Variants in DNAJC12 observed in about 807,000 individuals in gnomAD.
DNAJC12 encodes the protein dnaJ homolog subfamily C member 12.
Under a neutral mutation model 28.5 loss-of-function variants are expected in DNAJC12, and 25 were observed. The ratio of observed to expected loss-of-function variants is 0.88; its 90% CI spans 0.64 to 1.22. The LOEUF is 1.22. Among genes scored for constraint, DNAJC12 ranks in the 50% most tolerant of loss-of-function variants. The pLI is 0.00. For synonymous variants in DNAJC12, 77 were observed against 80.6 expected (o/e 0.95, Z 0.24); for missense variants, 222 against 231.7 (o/e 0.96, Z 0.27).
chr10:67,820,267 G>T (rs1362413272), intron 2 of DNAJC12, among the ~76,000 whole-genome samples: 2 of 152,344 alleles, frequency 1.3e-5, no homozygotes, highest in Non-Finnish European at 1.5e-5. Context: ...AAGGTACACA[G>T]CATGAAGGAA....
intron 2 of DNAJC12, among the ~76,000 whole-genome samples, chr10:67,820,777 CTTTTTT>C (rs71006170): frequency 1.5e-5 from 1 of 68,516 alleles, no homozygotes; most frequent in Admixed American, 2.0e-4. Context: ...TTCTTTTTTC[CTTTTTT>C]TTTTTTTTTT....
At chr10:67,823,214 A>C (rs2131807874) in intron 2 of DNAJC12, 100 bp downstream of exon 2, 1 of 959,078 alleles carries the variant, frequency 1.0e-6, no homozygotes, top group Middle Eastern at 2.1e-4. Flanking sequence ...GTTGAGCATA[A>C]TAGACAAGAG....
rs1331349981 is a variant in DNAJC12, at chr10:67,808,456, GA to G, written c.298-2670del. On this transcript the variant is annotated intron_variant, in intron 3 of 4. Coordinates refer to ENST00000225171, the MANE Select transcript of DNAJC12 (RefSeq NM_021800.3). ...GAACGAGTTGGTTTTTTTTCTCTAG[GA>G]AGTCATTTTCTTACATTCTAGACCT... The G allele has an allele frequency of 2.0e-5, 3 of 151,914 alleles. 1 individual carries two copies. The highest frequency in any genetic ancestry group is 2.0e-4 in the Admixed American group (3 of 15,250). 9.4% of individuals were successfully genotyped at this position (151,914 alleles called of 1,614,324 possible).
At chr10:67,801,836 CTTTTTTTTTT>C (rs577511924) in intron 4 of DNAJC12, among the ~76,000 whole-genome samples, 4 of 26,130 alleles carry the variant, frequency 1.5e-4, no homozygotes, top group South Asian at 2.8e-3. Context: ...CCACTTCATT[CTTTTTTTTTT>C]TTTTTTTTTT....
intron 1 of DNAJC12, among the ~76,000 whole-genome samples, chr10:67,824,980 C>A (rs1842015800): frequency 6.6e-6 from 1 of 152,110 alleles, no homozygotes; most frequent in Non-Finnish European, 1.5e-5. Context: ...GGTGATCCAC[C>A]CGCCTCAGCC....
At chr10:67,800,159 C>T (rs1238161137) in intron 4 of DNAJC12, among the ~76,000 whole-genome samples, 1 of 134,968 alleles carries the variant, frequency 7.4e-6, no homozygotes, top group African/African-American at 2.9e-5. Flanking sequence ...GAGGTCGAGG[C>T]TGCAGTGAGT....
chr10:67,819,702 G>A lies in DNAJC12; in HGVS notation c.157+3612C>T, dbSNP rs1169381337. ...AGAAAGAAAGAAAGAAAGAAAGGAA[G>A]GAAGGAAGGAAGGAAGCAAGGAAGG... On this transcript the variant is annotated intron_variant, in intron 2 of 4. Transcript: ENST00000225171. 5.8e-4 allele frequency among the ~76,000 whole-genome samples: 11 copies of A among 19,052 alleles called. 1 individual carries two copies. Among genetic ancestry groups the A allele is most frequent in the African/African-American group, 1.7e-3 (10 of 5,948 alleles). 12.5% of individuals were successfully genotyped at this position (19,052 alleles called of 152,430 possible).
At chr10:67,803,549 T>A (rs369167697) in intron 4 of DNAJC12, among the ~76,000 whole-genome samples, 116 of 152,306 alleles carry the variant, frequency 7.6e-4, no homozygotes, top group African/African-American at 2.2e-3. Flanking sequence ...ACTATTTTTT[T>A]AAAAAGAAGG....
Position 67,805,639 on chromosome 10 carries a change from T to G in DNAJC12, c.446A>C (p.Gln149Pro). The G allele has an allele frequency of 6.2e-7, 1 of 1,613,762 alleles. No homozygotes were observed. The highest frequency in any genetic ancestry group is 8.5e-7 in the Non-Finnish European group (1 of 1,179,872). The part of the protein sequence containing the change: ...ELASTAEKTE[Q>P]KEPKPLEKSV... ...CTTCTCTAGGGGCTTGGGTTCTTTC[T>G]GCTCCGTTTTCTCTGCGGTTGAAGC... Residue 149 changes from glutamine (Q) to proline (P), a missense_variant, in exon 4 of 5, where the codon CAG (glutamine) becomes CCG (proline). Physicochemically the swap from Gln to Pro is moderately conservative, Grantham distance 76 (BLOSUM62 -1). Coordinates refer to ENST00000225171, the MANE Select transcript of DNAJC12 (RefSeq NM_021800.3).
chr10:67,804,292 T>C (rs190732660), intron 4 of DNAJC12, among the ~76,000 whole-genome samples: 2 of 152,330 alleles, frequency 1.3e-5, no homozygotes, highest in Non-Finnish European at 2.9e-5. Context: ...TGAACCGCTG[T>C]GCTAAGCATT....
At chr10:67,813,425 C>A (rs1841881998) in intron 2 of DNAJC12, among the ~76,000 whole-genome samples, 1 of 152,034 alleles carries the variant, frequency 6.6e-6, no homozygotes, top group African/African-American at 2.4e-5. Flanking sequence ...AATGAACAAT[C>A]TGAAAATGAA....
intron 4 of DNAJC12, among the ~76,000 whole-genome samples, chr10:67,803,428 G>GTT (rs1178981613): frequency 6.6e-6 from 1 of 152,194 alleles, no homozygotes; most frequent in Non-Finnish European, 1.5e-5. Context: ...GTCAGCCTTG[G>GTT]TTACTTCAAG....
intron 3 of DNAJC12, chr10:67,810,727 A>C (rs1433156253): frequency 6.6e-6 from 1 of 152,204 alleles, no homozygotes; most frequent in African/African-American, 2.4e-5. Context: ...AAAACTATGA[A>C]GAAGGAAATC....
At chr10:67,801,833 A>ATTT (rs1554883625) in intron 4 of DNAJC12, among the ~76,000 whole-genome samples, 1 of 54,492 alleles carries the variant, frequency 1.8e-5, no homozygotes, top group African/African-American at 8.0e-5. Flanking sequence ...CCTCCACTTC[A>ATTT]TTCTTTTTTT....
At chr10:67,798,271 T>C (rs150961870) in intron 4 of DNAJC12, among the ~76,000 whole-genome samples, 8 of 152,204 alleles carry the variant, frequency 5.3e-5, no homozygotes, top group African/African-American at 1.9e-4. Flanking sequence ...TTTACCATTA[T>C]AGAAAAATGC....
At chr10:67,825,325 A>G (rs1010081150) in intron 1 of DNAJC12, 3 of 152,220 alleles carry the variant, frequency 2.0e-5, no homozygotes, top group African/African-American at 7.2e-5. Flanking sequence ...CAGTCTTGCT[A>G]TGTTGCCCAG....
chr10:67,814,520 C>T (rs572390402), intron 2 of DNAJC12, among the ~76,000 whole-genome samples: 2 of 152,160 alleles, frequency 1.3e-5, no homozygotes, highest in African/African-American at 2.4e-5. Flanking sequence ...AATTGGACTA[C>T]ATCAAAATTA....
chr10:67,838,049 A>G lies in DNAJC12; in HGVS notation c.-38T>C. 7.1e-7 allele frequency: 1 copy of G among 1,407,640 alleles called. No individual in the cohort carries two copies. Among genetic ancestry groups the G allele is most frequent in the African/African-American group, 1.4e-5 (1 of 70,104 alleles). The allele number at this position is 1,407,640 out of a possible 1,614,324, so 87.2% of individuals were successfully genotyped here. A position where few individuals can be genotyped will look rare whatever the true frequency, so the allele number is the denominator to read the frequency against. On this transcript the variant is annotated 5_prime_UTR_variant, in exon 1 of 5. Transcript: ENST00000225171. ...ATCAGTCCTTCTTCCCTCGGAAACA[A>G]GAGGCACAGTGAGCTTCGAATTAAC...
chr10:67,832,004 G>A (rs550928549), intron 1 of DNAJC12, among the ~76,000 whole-genome samples: 50 of 152,266 alleles, frequency 3.3e-4, no homozygotes, highest in African/African-American at 1.1e-3. Flanking sequence ...AGTGGCTTAC[G>A]CCTGTAATCC....
Sources: allele counts gnomAD v4.1 joint callset (sites outside exome capture counted in the v4.1 genomes callset), GRCh38; gene constraint gnomAD v4.1.1; transcripts MANE v1.5; gene names NCBI Gene and HGNC (gene_info 2026-07-23, HGNC 2026-07-21).